The following LRCH1 variants were observed in gnomAD, a reference collection of about 807,000 sequenced individuals.
The protein encoded by LRCH1 is leucine rich repeats and calponin homology domain containing 1.
LRCH1 carries 23 observed loss-of-function variants against 94.9 expected under a neutral mutation model. That is an observed-to-expected ratio of 0.24 (90% CI 0.17 to 0.34). The LOEUF is 0.34. LRCH1 is among the 10% of genes least tolerant of loss of function. The probability of loss-of-function intolerance (pLI) is 1.00; values close to 1 mark genes in which losing one functional copy is unlikely to be tolerated. For missense variants in LRCH1, 790 were observed against 945.9 expected, an observed-to-expected ratio of 0.84 and a Z score of 2.16; for synonymous variants, 364 against 354.9, an observed-to-expected ratio of 1.03 and a Z score of -0.29.
At chr13:46,584,501 G>A (rs1239890669) in intron 1 of LRCH1, among the ~76,000 whole-genome samples, 2 of 152,168 alleles carry the variant, frequency 1.3e-5, no homozygotes, top group African/African-American at 4.8e-5. Context: ...TTATCACATG[G>A]CAAGTAGATC....
At chr13:46,583,565 G>A (rs1420381533) in intron 1 of LRCH1, among the ~76,000 whole-genome samples, 1 of 152,166 alleles carries the variant, frequency 6.6e-6, no homozygotes, top group Non-Finnish European at 1.5e-5. Context: ...GCTAATGTCA[G>A]TACTCACCTT....
Position 46,575,684 on chromosome 13 carries a change from G to C in LRCH1, c.307+21981G>C, listed in dbSNP as rs1330809180. On this transcript the variant is annotated intron_variant, in intron 1 of 19. Coordinates refer to ENST00000389797, the MANE Select transcript of LRCH1 (RefSeq NM_001164211.2). ...CTTCCTCAACTTTGGACAATGACTTGAAAGCAAGATCAGTGTGTGCTCATG... is the reference window on the plus strand; with the variant it reads ...CTTCCTCAACTTTGGACAATGACTTCAAAGCAAGATCAGTGTGTGCTCATG... 2.0e-5 allele frequency among the ~76,000 whole-genome samples: 3 copies of C among 152,324 alleles called. No homozygotes were observed. The East Asian group carries it at 5.8e-4, about 29-fold the overall frequency.
In LRCH1 at chr13:46,699,327, T is replaced by C; in HGVS notation, c.1246-9T>C. The stretch of plus-strand genomic sequence containing the variant: ...TGGTTTTCAGGAACCCTGTGTGTTT[T>C]GTCCACAGGCAAGGGCAGAAGACTG... On this transcript the variant is annotated splice_polypyrimidine_tract_variant and intron_variant, in intron 9 of 19. Coordinates refer to ENST00000389797, the MANE Select transcript of LRCH1 (RefSeq NM_001164211.2). 6.2e-7 allele frequency: 1 copy of C among 1,612,244 alleles called. No homozygotes were observed. Among genetic ancestry groups the C allele is most frequent in the Non-Finnish European group, 8.5e-7 (1 of 1,178,292 alleles).
intron 17 of LRCH1, among the ~76,000 whole-genome samples, chr13:46,727,729 G>A (rs1467286146): frequency 2.0e-5 from 3 of 152,102 alleles, no homozygotes; most frequent in African/African-American, 7.2e-5. Flanking sequence ...TATCCTGGTT[G>A]TTTTGAAAGT....
chr13:46,651,944 G>C (rs2051307546), intron 2 of LRCH1, among the ~76,000 whole-genome samples: 2 of 146,038 alleles, frequency 1.4e-5, no homozygotes, highest in Admixed American at 1.4e-4. Flanking sequence ...CTGGAGTGCA[G>C]TGGCGCGATC....
At chr13:46,662,673 T>G (rs954412351) in intron 2 of LRCH1, among the ~76,000 whole-genome samples, 7 of 152,346 alleles carry the variant, frequency 4.6e-5, no homozygotes, top group Middle Eastern at 3.4e-3. Flanking sequence ...TAGACATTGG[T>G]AGCTTACATT....
intron 7 of LRCH1, among the ~76,000 whole-genome samples, chr13:46,689,596 C>T (rs957009728): frequency 1.3e-5 from 2 of 152,148 alleles, no homozygotes; most frequent in African/African-American, 4.8e-5. Flanking sequence ...TATACATATG[C>T]GTAAATGTTA....
At chr13:46,584,340 G>A (rs767077623) in intron 1 of LRCH1, among the ~76,000 whole-genome samples, 4 of 152,188 alleles carry the variant, frequency 2.6e-5, no homozygotes, top group South Asian at 2.1e-4. Context: ...CAGCAGCACC[G>A]GCATCACCTA....
chr13:46,730,256 C>T (rs1042511366), intron 18 of LRCH1, among the ~76,000 whole-genome samples: 1 of 152,130 alleles, frequency 6.6e-6, no homozygotes, highest in African/African-American at 2.4e-5. Flanking sequence ...ATTTGCTCTT[C>T]TCTATAATGG....
At chr13:46,554,711 G>A (rs369752878) in intron 1 of LRCH1, among the ~76,000 whole-genome samples, 2 of 152,330 alleles carry the variant, frequency 1.3e-5, no homozygotes, top group East Asian at 1.9e-4. Context: ...TGGGGCCTTA[G>A]GGTCTATACA....
chr13:46,700,901 C>T (rs1871430193), intron 10 of LRCH1, among the ~76,000 whole-genome samples: 1 of 152,202 alleles, frequency 6.6e-6, no homozygotes, highest in Non-Finnish European at 1.5e-5. Context: ...CTTATGTGAG[C>T]TGCTTTACAG....
At chr13:46,665,622 C>G (rs369025227) in intron 2 of LRCH1, among the ~76,000 whole-genome samples, 3 of 152,190 alleles carry the variant, frequency 2.0e-5, no homozygotes, top group African/African-American at 7.2e-5. Context: ...CCTCCCCACC[C>G]TGATCTTCAA....
intron 1 of LRCH1, among the ~76,000 whole-genome samples, chr13:46,569,091 T>C (rs1473553482): frequency 1.3e-5 from 2 of 152,198 alleles, no homozygotes; most frequent in African/African-American, 4.8e-5. Flanking sequence ...CGAAACGTCT[T>C]GTTAACCCTC....
chr13:46,592,859 A>G (rs957375727), intron 1 of LRCH1, among the ~76,000 whole-genome samples: 2 of 152,170 alleles, frequency 1.3e-5, no homozygotes, highest in African/African-American at 4.8e-5. Flanking sequence ...TCATTCTCGC[A>G]TTGGTATTAA....
chr13:46,574,829 T>G (rs554941645), intron 1 of LRCH1, among the ~76,000 whole-genome samples: 185 of 150,172 alleles, frequency 1.2e-3, no homozygotes, highest in Middle Eastern at 6.8e-3. Context: ...GGGGTTTTTT[T>G]TTTTTTTTTT....
At chr13:46,686,958 T>TTG (rs1173285452) in intron 5 of LRCH1, among the ~76,000 whole-genome samples, 3 of 135,480 alleles carry the variant, frequency 2.2e-5, no homozygotes, top group African/African-American at 5.7e-5. Context: ...ATTGATTTTT[T>TTG]TTTTTTTTTT....
At chr13:46,651,910 C>T (rs1337147025) in intron 2 of LRCH1, among the ~76,000 whole-genome samples, 1 of 124,796 alleles carries the variant, frequency 8.0e-6, no homozygotes, top group Non-Finnish European at 1.7e-5. Context: ...TGTTTTGAGA[C>T]GGAGTCTTGC....
chr13:46,707,887 C>T (rs562769613), intron 13 of LRCH1, among the ~76,000 whole-genome samples: 2 of 152,164 alleles, frequency 1.3e-5, no homozygotes, highest in African/African-American at 2.4e-5. Flanking sequence ...CCTACACTTA[C>T]GAGTTTACAT....
chr13:46,661,838 T>C (rs2051452854), intron 2 of LRCH1, among the ~76,000 whole-genome samples: 1 of 152,226 alleles, frequency 6.6e-6, no homozygotes, highest in African/African-American at 2.4e-5. Context: ...TAGGTAAAAA[T>C]TGATCTCAGT....
Sources: allele counts gnomAD v4.1 joint callset (sites outside exome capture counted in the v4.1 genomes callset), GRCh38; gene constraint gnomAD v4.1.1; transcripts MANE v1.5; gene names NCBI Gene and HGNC (gene_info 2026-07-23, HGNC 2026-07-21).